Variants in ZNF385B observed in about 807,000 individuals in gnomAD.
ZNF385B encodes zinc finger protein 533.
ZNF385B carries 23 observed loss-of-function variants against 39.2 expected under a neutral mutation model. The observed-to-expected ratio is 0.59, with a 90% CI of 0.42 to 0.83. The LOEUF (loss-of-function observed/expected upper bound fraction) is 0.83. Among genes scored for constraint, ZNF385B ranks in the 40% least tolerant of loss-of-function variants. The probability of loss-of-function intolerance (pLI) is 0.00; values close to 1 mark genes in which losing one functional copy is unlikely to be tolerated. For missense variants in ZNF385B, 552 were observed against 598.9 expected (o/e 0.92, Z 0.82); for synonymous variants, 205 against 222.6 (o/e 0.92, Z 0.70).
chr2:179,633,252 A>C lies in ZNF385B; in HGVS notation c.299-88283T>G, dbSNP rs567534755. Among the ~76,000 whole-genome samples the C allele has an allele frequency of 2.6e-5, 4 of 152,172 alleles. No individual in the cohort carries two copies. The South Asian group carries it at 6.2e-4, about 24-fold the overall frequency. On this transcript the variant is annotated intron_variant, in intron 3 of 9. Transcript: ENST00000410066. ...AAAGTCTGGCAGAGACACACCAAAT[A>C]AAGAGAATTTTAGACCAATCTCCCT...
At chr2:179,539,848 G>T (rs879641928) in intron 4 of ZNF385B, among the ~76,000 whole-genome samples, 7 of 152,052 alleles carry the variant, frequency 4.6e-5, no homozygotes, top group Non-Finnish European at 8.8e-5. Flanking sequence ...ATGTTTCTTG[G>T]TTTTTATCTT....
At chr2:179,655,692 C>T (rs10497545) in intron 3 of ZNF385B, among the ~76,000 whole-genome samples, 24,137 of 152,026 alleles carry the variant, frequency 0.16, 1,967 homozygotes, top group South Asian at 0.19. Flanking sequence ...ATTGGACTAA[C>T]TCCATGTGAA....
At chr2:179,700,379 C>T (rs1290948586) in intron 3 of ZNF385B, among the ~76,000 whole-genome samples, 1 of 152,158 alleles carries the variant, frequency 6.6e-6, no homozygotes, top group Non-Finnish European at 1.5e-5. Context: ...TGAGTATATA[C>T]CATATTCATT....
intron 3 of ZNF385B, among the ~76,000 whole-genome samples, chr2:179,719,239 C>A (rs1700526830): frequency 6.6e-6 from 1 of 152,114 alleles, no homozygotes; most frequent in Admixed American, 6.6e-5. Flanking sequence ...TTCCTACTAA[C>A]CTATTTAAGA....
chr2:179,664,721 T>A (rs184296440), intron 3 of ZNF385B, among the ~76,000 whole-genome samples: 22 of 152,186 alleles, frequency 1.4e-4, no homozygotes, highest in African/African-American at 4.8e-4. Context: ...ATGTAACAAG[T>A]GGGGAAAATA....
intron 5 of ZNF385B, among the ~76,000 whole-genome samples, chr2:179,487,291 G>T (rs1196975006): frequency 6.6e-6 from 1 of 152,224 alleles, no homozygotes; most frequent in Non-Finnish European, 1.5e-5. Context: ...AGGCTTTTTA[G>T]CTTTTATTGA....
rs1684230467 is a variant in ZNF385B, at chr2:179,563,861, T to C, written c.299-18892A>G. ...AAACCTCTGCTCTGTAGAGATTATG[T>C]TGATGGCCTCTTCAAAATATTTTTC... is the stretch of plus-strand genomic sequence containing the variant. On this transcript the variant is annotated intron_variant, in intron 3 of 9. Transcript: ENST00000410066. Among the ~76,000 whole-genome samples, 14 of 152,322 alleles carry C rather than the reference T, an allele frequency of 9.2e-5. 2 individuals are homozygous for C. In the South Asian group the frequency reaches 2.7e-3, roughly 29 times the overall value.
At chr2:179,516,524 T>C (rs1454303917) in intron 5 of ZNF385B, among the ~76,000 whole-genome samples, 1 of 152,130 alleles carries the variant, frequency 6.6e-6, no homozygotes, top group African/African-American at 2.4e-5. Flanking sequence ...ATTTCCTTAA[T>C]CGTTAAACAT....
chr2:179,578,785 T>A (rs1686152021), intron 3 of ZNF385B, among the ~76,000 whole-genome samples: 2 of 152,120 alleles, frequency 1.3e-5, no homozygotes, highest in African/African-American at 4.8e-5. Context: ...TCAGAGGTAA[T>A]GACATTTACA....
intron 3 of ZNF385B, among the ~76,000 whole-genome samples, chr2:179,725,908 G>GTATATATATA (rs200614511): frequency 2.4e-3 from 267 of 110,966 alleles, no homozygotes; most frequent in Non-Finnish European, 4.1e-3. Flanking sequence ...GTGTTTGTGT[G>GTATATATATA]TGTATATATA....
At chr2:179,629,295 C>T (rs1209799564) in intron 3 of ZNF385B, among the ~76,000 whole-genome samples, 2 of 152,210 alleles carry the variant, frequency 1.3e-5, no homozygotes, top group African/African-American at 4.8e-5. Flanking sequence ...CAGCCAGCAT[C>T]TGAAATTTTA....
chr2:179,504,778 T>C (rs2057102151), intron 5 of ZNF385B, among the ~76,000 whole-genome samples: 1 of 151,538 alleles, frequency 6.6e-6, no homozygotes, highest in African/African-American at 2.4e-5. Flanking sequence ...CCGCACGTTG[T>C]GCACATGTAC....
intron 3 of ZNF385B, among the ~76,000 whole-genome samples, chr2:179,650,386 A>T (rs896699706): frequency 6.6e-6 from 1 of 152,228 alleles, no homozygotes; most frequent in African/African-American, 2.4e-5. Context: ...TCCATGGAGA[A>T]TGTTTCCTTG....
chr2:179,475,478 C>T (rs2053309828), intron 6 of ZNF385B, among the ~76,000 whole-genome samples: 3 of 151,900 alleles, frequency 2.0e-5, no homozygotes, highest in Non-Finnish European at 4.4e-5. Flanking sequence ...TCTTGAACTC[C>T]TGACCTTGTG....
chr2:179,559,193 A>C (rs565359460), intron 3 of ZNF385B, among the ~76,000 whole-genome samples: 1 of 152,326 alleles, frequency 6.6e-6, no homozygotes, highest in African/African-American at 2.4e-5. Flanking sequence ...CATGAGCAGG[A>C]ACAACCTAGT....
chr2:179,502,377 A>C (rs1607264), intron 5 of ZNF385B, among the ~76,000 whole-genome samples: 108,564 of 151,992 alleles, frequency 0.71, 40,091 homozygotes, highest in Non-Finnish European at 0.81. Context: ...TTGTCCCCAC[A>C]CAAATCTCAT....
intron 1 of ZNF385B, among the ~76,000 whole-genome samples, chr2:179,834,866 A>G (rs1279251846): frequency 6.6e-6 from 1 of 152,216 alleles, no homozygotes; most frequent in Non-Finnish European, 1.5e-5. Flanking sequence ...AACAACGCCC[A>G]TGAAGGATGC....
intron 6 of ZNF385B, chr2:179,481,080 C>G (rs1303599506): frequency 6.6e-6 from 1 of 152,098 alleles, no homozygotes; most frequent in African/African-American, 2.4e-5. Context: ...GTTTTCCTCT[C>G]TCCTGGGTTT....
intron 5 of ZNF385B, among the ~76,000 whole-genome samples, chr2:179,514,586 AAG>A (rs904124568): frequency 9.8e-5 from 15 of 152,346 alleles, no homozygotes; most frequent in African/African-American, 3.6e-4. Context: ...CAAGGCAAAG[AAG>A]AGTGTCAATA....
Sources: allele counts gnomAD v4.1 joint callset (sites outside exome capture counted in the v4.1 genomes callset), GRCh38; gene constraint gnomAD v4.1.1; transcripts MANE v1.5; gene names NCBI Gene and HGNC (gene_info 2026-07-23, HGNC 2026-07-21).